The following RAI14 variants were observed in gnomAD, a reference collection of about 807,000 sequenced individuals.
RAI14 encodes the protein ankycorbin.
Under a neutral mutation model 115.4 loss-of-function variants are expected in RAI14, and 45 were observed. That is an observed-to-expected ratio of 0.39 (90% CI 0.31 to 0.50). The LOEUF (loss-of-function observed/expected upper bound fraction) is 0.50, where lower values mean the gene tolerates loss of function less well. RAI14 is among the 20% of genes least tolerant of loss of function. The pLI is 0.85. For synonymous variants in RAI14, 371 were observed against 415.4 expected (o/e 0.89, Z 1.30); for missense variants, 939 against 1,131.2 (o/e 0.83, Z 2.44).
intron 7 of RAI14, among the ~76,000 whole-genome samples, chr5:34,809,958 C>G (rs1006420089): frequency 5.3e-5 from 8 of 152,128 alleles, no homozygotes; most frequent in Admixed American, 6.6e-5. Context: ...AGCATGAGAA[C>G]TGACATGCAT....
chr5:34,814,002 G>A (rs1561072801), intron 11 of RAI14, among the ~76,000 whole-genome samples: 1 of 152,148 alleles, frequency 6.6e-6, no homozygotes, highest in Non-Finnish European at 1.5e-5. Flanking sequence ...TAAGGACTGG[G>A]AGAATGAGTA....
rs1272733383 is a variant in RAI14, at chr5:34,752,701, ATATGTGTGTGTGTGTGTGTG to A, written c.37-4765_37-4746del. On this transcript the variant is annotated intron_variant, in intron 2 of 17. Transcript: ENST00000265109. ...TAAGAAATATCTATATTTCTTACAT[ATATGTGTGTGTGTGTGTGTG>A]TGTGTGTGTGTGTGTGTGTGTGTGT... Among the ~76,000 whole-genome samples, 196 of 90,202 alleles carry A rather than the reference ATATGTGTGTGTGTGTGTGTG, an allele frequency of 2.2e-3. 18 individuals are homozygous for A. Among genetic ancestry groups the A allele is most frequent in the African/African-American group, 4.1e-3 (80 of 19,572 alleles). The allele number at this position is 90,202 out of a possible 152,430, so 59.2% of individuals were successfully genotyped here. A position where few individuals can be genotyped will look rare whatever the true frequency, so the allele number is the denominator to read the frequency against.
At chr5:34,792,856 A>G (rs1753090759) in intron 3 of RAI14, among the ~76,000 whole-genome samples, 1 of 152,226 alleles carries the variant, frequency 6.6e-6, no homozygotes, top group African/African-American at 2.4e-5. Flanking sequence ...GGTAAAATAC[A>G]TGAAGAGAAA....
At chr5:34,677,658 G>C (rs1039975684) in intron 1 of RAI14, among the ~76,000 whole-genome samples, 1 of 152,076 alleles carries the variant, frequency 6.6e-6, no homozygotes, top group Non-Finnish European at 1.5e-5. Context: ...TGTTGCCCAG[G>C]CTGGTCTCAG....
At chr5:34,822,776 C>T (rs1348575425) in intron 14 of RAI14, among the ~76,000 whole-genome samples, 180 bp from the exon 15 acceptor site, 3 of 145,058 alleles carry the variant, frequency 2.1e-5, no homozygotes, top group East Asian at 4.3e-4. Flanking sequence ...CTCCGCCTCC[C>T]GGGTTCACGC....
At chr5:34,804,269 ATTC>A in intron 5 of RAI14, among the ~76,000 whole-genome samples, 1 of 152,164 alleles carries the variant, frequency 6.6e-6, no homozygotes, top group East Asian at 1.9e-4. Flanking sequence ...CCTTGGTTTT[ATTC>A]TTCTTTATAA....
intron 3 of RAI14, among the ~76,000 whole-genome samples, chr5:34,778,298 G>T (rs1453486054): frequency 6.6e-6 from 1 of 152,202 alleles, no homozygotes; most frequent in Non-Finnish European, 1.5e-5. Flanking sequence ...TTGGAGTGGT[G>T]CCTGAGAGTC....
At chr5:34,738,274 A>G (rs1009168290) in intron 2 of RAI14, among the ~76,000 whole-genome samples, 1 of 152,220 alleles carries the variant, frequency 6.6e-6, no homozygotes, top group Non-Finnish European at 1.5e-5. Context: ...TTAAAAAAAC[A>G]AAAACAAAAC....
At chr5:34,801,605 G>A (rs1165841758) in intron 4 of RAI14, among the ~76,000 whole-genome samples, 2 of 152,272 alleles carry the variant, frequency 1.3e-5, no homozygotes, top group African/African-American at 4.8e-5. Context: ...GCCAGGCCTG[G>A]TGGCACGCAC....
chr5:34,676,102 C>T (rs1164185606), intron 1 of RAI14, among the ~76,000 whole-genome samples: 2 of 152,216 alleles, frequency 1.3e-5, no homozygotes, highest in Admixed American at 6.5e-5. Flanking sequence ...CTGCATTTCA[C>T]AATGACTATA....
chr5:34,819,253 T>C (rs561099330), intron 13 of RAI14, among the ~76,000 whole-genome samples: 2 of 152,198 alleles, frequency 1.3e-5, no homozygotes, highest in African/African-American at 4.8e-5. Flanking sequence ...ATTATGGCAG[T>C]TATTAGACCT....
intron 3 of RAI14, among the ~76,000 whole-genome samples, chr5:34,770,880 T>C (rs1750065462): frequency 1.3e-5 from 2 of 152,196 alleles, no homozygotes; most frequent in Non-Finnish European, 2.9e-5. Flanking sequence ...CATTAGTTTT[T>C]TTCTCTCCAG....
intron 2 of RAI14, among the ~76,000 whole-genome samples, chr5:34,717,558 G>T (rs1051877229): frequency 6.6e-6 from 1 of 152,158 alleles, no homozygotes; most frequent in African/African-American, 2.4e-5. Flanking sequence ...AGAGAGCAGG[G>T]GTAGGGATGG....
At chr5:34,789,803 C>A (rs1310326809) in intron 3 of RAI14, among the ~76,000 whole-genome samples, 2 of 152,122 alleles carry the variant, frequency 1.3e-5, no homozygotes, top group Non-Finnish European at 2.9e-5. Context: ...ACACATAATT[C>A]TTGTATTCGT....
At position 34,795,908 on chromosome 5, in the gene RAI14, T is replaced by G. The variant is rs377184217; in HGVS notation, c.168-31T>G. ...AGATGAACATTAAAGAGTAGAAATC[T>G]CAAGGAGATTGTGTTTACTTCTCTT... On this transcript the variant is annotated intron_variant, in intron 3 of 17. Coordinates refer to ENST00000265109, the MANE Select transcript of RAI14 (RefSeq NM_015577.3). 3 of 1,567,150 alleles carry G rather than the reference T, an allele frequency of 1.9e-6. No individual in the cohort carries two copies. The Admixed American group carries it at 5.0e-5, about 26-fold the overall frequency.
chr5:34,768,447 A>G (rs1394750102), intron 3 of RAI14, among the ~76,000 whole-genome samples: 2 of 152,192 alleles, frequency 1.3e-5, no homozygotes, highest in African/African-American at 4.8e-5. Flanking sequence ...GTCAATTTCC[A>G]TCAGGTGTTT....
chr5:34,745,903 CA>C lies in RAI14; in HGVS notation c.37-11564del, dbSNP rs536086885. ...CATTTCCCCAAGAAAAGGTAAAAGC[CA>C]TAAAACACCAACAGTGACTTCTTCT... On this transcript the variant is annotated intron_variant, in intron 2 of 17. Transcript: ENST00000265109. Among the ~76,000 whole-genome samples the C allele has an allele frequency of 2.1e-3, 319 of 152,254 alleles. 1 individual carries two copies. The highest frequency in any genetic ancestry group is 0.012 in the South Asian group (59 of 4,812).
chr5:34,716,995 C>T (rs1742079290), intron 2 of RAI14: 1 of 152,174 alleles, frequency 6.6e-6, no homozygotes, highest in African/African-American at 2.4e-5. Context: ...TTATTATGGT[C>T]AGGAGAAATG....
intron 2 of RAI14, among the ~76,000 whole-genome samples, chr5:34,740,008 G>T (rs189959012): frequency 6.6e-6 from 1 of 152,156 alleles, no homozygotes; most frequent in Non-Finnish European, 1.5e-5. Flanking sequence ...AGCTGAGGTC[G>T]CACCACTGCA....
Sources: allele counts gnomAD v4.1 joint callset (sites outside exome capture counted in the v4.1 genomes callset), GRCh38; gene constraint gnomAD v4.1.1; transcripts MANE v1.5; gene names NCBI Gene and HGNC (gene_info 2026-07-23, HGNC 2026-07-21).